The following PGBD2 variants were observed in gnomAD, a reference collection of about 807,000 sequenced individuals.
PGBD2 encodes the protein piggyBac transposable element derived 2, also known as piggyBac transposable element-derived protein 2.
PGBD2 carries 6 observed loss-of-function variants against 8.1 expected under a neutral mutation model. The observed-to-expected ratio is 0.74, with a 90% CI of 0.40 to 1.46. PGBD2 has a LOEUF of 1.46. Ranked by LOEUF, PGBD2 falls within the 40% of genes most tolerant of loss-of-function variation. The pLI, the probability that PGBD2 is intolerant of heterozygous loss-of-function variation, is 0.02. For missense variants in PGBD2, 802 were observed against 739.0 expected, an observed-to-expected ratio of 1.09 and a Z score of -0.99; for synonymous variants, 318 against 272.2, an observed-to-expected ratio of 1.17 and a Z score of -1.66.
At chr1:248,921,554 G>T (rs1203157928), downstream of PGBD2, among the ~76,000 whole-genome samples, 4 of 152,196 alleles carry the variant, frequency 2.6e-5, no homozygotes, top group Non-Finnish European at 4.4e-5. Flanking sequence ...AGTAGAGTTT[G>T]AAGTCAGGTA....
At chr1:248,875,502 C>A in the PGBD2 span, among the ~76,000 whole-genome samples, 1 of 151,992 alleles carries the variant, frequency 6.6e-6, no homozygotes, top group East Asian at 1.9e-4. Context: ...TTTACAGCTG[C>A]TTTTAGTTTT....
the PGBD2 span, among the ~76,000 whole-genome samples, chr1:248,897,951 A>C: frequency 6.6e-6 from 1 of 152,180 alleles, no homozygotes; most frequent in African/African-American, 2.4e-5. Context: ...AGTGGAGCTC[A>C]GCAGCTACGG....
intron 1 of PGBD2, among the ~76,000 whole-genome samples, chr1:248,911,324 C>T (rs559800460): frequency 5.0e-4 from 76 of 151,244 alleles, no homozygotes; most frequent in Non-Finnish European, 6.2e-4. Context: ...TGACTCTTAA[C>T]GAGCATCCTG....
At chr1:248,912,130 C>G (rs932722526) in intron 1 of PGBD2, among the ~76,000 whole-genome samples, 1 of 152,090 alleles carries the variant, frequency 6.6e-6, no homozygotes, top group African/African-American at 2.4e-5. Flanking sequence ...AGCTGGAATC[C>G]TTGTGGAAAC....
chr1:248,913,664 TC>T (rs550933511), intron 1 of PGBD2, among the ~76,000 whole-genome samples, 151 bp from the exon 2 acceptor site: 85 of 152,348 alleles, frequency 5.6e-4, no homozygotes, highest in African/African-American at 1.9e-3. Context: ...AGGAGTTTGT[TC>T]TTTTCCCTCT....
the PGBD2 span, among the ~76,000 whole-genome samples, chr1:248,895,816 C>CA: frequency 1.3e-5 from 2 of 151,700 alleles, no homozygotes; most frequent in African/African-American, 4.8e-5. Flanking sequence ...GCCTCCCAAG[C>CA]AGCTGGGACT....
the PGBD2 span, among the ~76,000 whole-genome samples, chr1:248,882,295 G>A: frequency 6.6e-6 from 1 of 152,132 alleles, no homozygotes. Context: ...AGGTTAGATG[G>A]TCACATGGGG....
At chr1:248,887,239 C>G in the PGBD2 span, among the ~76,000 whole-genome samples, 4 of 152,220 alleles carry the variant, frequency 2.6e-5, no homozygotes, top group African/African-American at 9.6e-5. Flanking sequence ...AGGCCTTACT[C>G]AAATTTCCCC....
At chr1:248,900,097 C>CAAA in the PGBD2 span, among the ~76,000 whole-genome samples, 704 of 49,430 alleles carry the variant, frequency 0.014, 17 homozygotes, top group African/African-American at 0.033. Flanking sequence ...AATAGCCTAC[C>CAAA]AAAAAAAAAA....
chr1:248,914,063 C>A (rs889378543), intron 2 of PGBD2, among the ~76,000 whole-genome samples, 184 bp downstream of exon 2: 1 of 152,142 alleles, frequency 6.6e-6, no homozygotes, highest in African/African-American at 2.4e-5. Flanking sequence ...CTGACAGTTG[C>A]ATGGTGTGGG....
At chr1:248,922,414 T>G (rs1022433128), downstream of PGBD2, among the ~76,000 whole-genome samples, 1 of 152,232 alleles carries the variant, frequency 6.6e-6, no homozygotes, top group Non-Finnish European at 1.5e-5. Context: ...AGAGACCATT[T>G]GACTTCCTCT....
the PGBD2 span, among the ~76,000 whole-genome samples, chr1:248,893,100 A>G: frequency 6.6e-6 from 1 of 152,218 alleles, no homozygotes; most frequent in East Asian, 1.9e-4. Context: ...GTATCCAGAA[A>G]ATGGCACATA....
upstream of PGBD2, among the ~76,000 whole-genome samples, chr1:248,905,740 A>G (rs1196103494): frequency 6.6e-6 from 1 of 152,220 alleles, no homozygotes; most frequent in East Asian, 1.9e-4. Context: ...AGAATTATCC[A>G]GGCCCAAAAT....
the PGBD2 span, among the ~76,000 whole-genome samples, chr1:248,891,308 G>A: frequency 6.6e-6 from 1 of 152,120 alleles, no homozygotes; most frequent in African/African-American, 2.4e-5. Context: ...TCCAATTTGA[G>A]GCCAGACAAC....
intron 1 of PGBD2, among the ~76,000 whole-genome samples, chr1:248,911,136 T>C (rs1661856155): frequency 1.3e-5 from 2 of 151,352 alleles, no homozygotes; most frequent in Non-Finnish European, 3.0e-5. Flanking sequence ...TTTTAGTATT[T>C]ATTGATCATT....
At chr1:248,875,123 C>G in the PGBD2 span, among the ~76,000 whole-genome samples, 2 of 151,686 alleles carry the variant, frequency 1.3e-5, no homozygotes, top group Non-Finnish European at 2.9e-5. Flanking sequence ...GGGTGAAACC[C>G]CGTCTCTACT....
chr1:248,884,779 A>T, the PGBD2 span, among the ~76,000 whole-genome samples: 1 of 152,322 alleles, frequency 6.6e-6, no homozygotes, highest in African/African-American at 2.4e-5. Flanking sequence ...TCTGTCTAAA[A>T]CTTGGAGTCA....
At chr1:248,923,694 C>A (rs1238448791), downstream of PGBD2, among the ~76,000 whole-genome samples, 1 of 152,260 alleles carries the variant, frequency 6.6e-6, no homozygotes, top group African/African-American at 2.4e-5. Context: ...TTTCCTCATA[C>A]AGTCAATATA....
At chr1:248,929,000 T>A in the PGBD2 span, among the ~76,000 whole-genome samples, 1 of 152,230 alleles carries the variant, frequency 6.6e-6, no homozygotes, top group Non-Finnish European at 1.5e-5. Flanking sequence ...ACCAAACCTG[T>A]TTGTGAGATC....
Sources: allele counts gnomAD v4.1 joint callset (sites outside exome capture counted in the v4.1 genomes callset), GRCh38; gene constraint gnomAD v4.1.1; transcripts MANE v1.5; gene names NCBI Gene and HGNC (gene_info 2026-07-23, HGNC 2026-07-21).